PPP6R3: variants seen among roughly 807,000 people sequenced by gnomAD.
The protein encoded by PPP6R3 is protein phosphatase 6 regulatory subunit 3, also known as serine/threonine-protein phosphatase 6 regulatory subunit 3.
A neutral mutation model predicts 110.7 loss-of-function variants in PPP6R3; 38 were observed. The ratio of observed to expected loss-of-function variants is 0.34; its 90% CI spans 0.26 to 0.45. The LOEUF (loss-of-function observed/expected upper bound fraction) is 0.45, where lower values mean the gene tolerates loss of function less well. PPP6R3 is among the 20% of genes least tolerant of loss of function. The pLI, the probability that PPP6R3 is intolerant of heterozygous loss-of-function variation, is 1.00. For synonymous variants in PPP6R3, 369 were observed against 373.5 expected (o/e 0.99, Z 0.14); for missense variants, 870 against 1,062.4 (o/e 0.82, Z 2.52).
chr11:68,557,952 A>C (rs952473850), intron 7 of PPP6R3, among the ~76,000 whole-genome samples: 1 of 152,250 alleles, frequency 6.6e-6, no homozygotes, highest in Non-Finnish European at 1.5e-5. Context: ...AGAGAAGTGT[A>C]ATGGAAAGAG....
chr11:68,557,860 C>T (rs2099405457), intron 7 of PPP6R3, among the ~76,000 whole-genome samples: 1 of 152,136 alleles, frequency 6.6e-6, no homozygotes, highest in Non-Finnish European at 1.5e-5. Flanking sequence ...TACTGAGAGG[C>T]TAAGAAACTA....
chr11:68,600,238 C>T (rs2099627570), intron 19 of PPP6R3, 103 bp from the exon 20 acceptor site: 2 of 1,341,726 alleles, frequency 1.5e-6, no homozygotes, highest in South Asian at 1.2e-5. Context: ...GTGTCTTTCT[C>T]CCACAGCTCC....
intron 19 of PPP6R3, among the ~76,000 whole-genome samples, chr11:68,598,202 T>C (rs1054277708): frequency 2.0e-5 from 3 of 152,228 alleles, no homozygotes; most frequent in African/African-American, 7.2e-5. Context: ...TGTGACTGGC[T>C]TGTTTCCCTT....
At position 68,477,741 on chromosome 11, in the gene PPP6R3, A is replaced by AAAAAAATAT; in HGVS notation, c.-158+16915_-158+16916insAAAAATATA. On this transcript the variant is annotated intron_variant, in intron 1 of 23. Coordinates refer to ENST00000393800, the MANE Select transcript of PPP6R3 (RefSeq NM_001164161.2). ...GACATTGTCTCTTAAAAAAAAAAAA[A>AAAAAAATAT]ATATATATATATATATATATATATA... Among the ~76,000 whole-genome samples, 377 of 57,856 alleles carry AAAAAAATAT rather than the reference A, an allele frequency of 6.5e-3. 4 individuals are homozygous for AAAAAAATAT. Among genetic ancestry groups the AAAAAAATAT allele is most frequent in the Non-Finnish European group, 0.01 (312 of 30,022 alleles). 38.0% of individuals were successfully genotyped at this position (57,856 alleles called of 152,430 possible).
rs918757242 is a variant in PPP6R3 at position 68,591,779 on chromosome 11, G to A, written c.1916+73G>A. Reference sequence around the variant, plus strand: ...AAATGATTATCATGAGACATACATTGTGTCATCACCAAACATACATGTTAA... The same window carrying A: ...AAATGATTATCATGAGACATACATTATGTCATCACCAAACATACATGTTAA... On this transcript the variant is annotated intron_variant, in intron 18 of 23. Transcript: ENST00000393800. 2.0e-6 allele frequency: 3 copies of A among 1,479,154 alleles called. No homozygotes were observed. In the African/African-American group the frequency reaches 4.3e-5, roughly 21 times the overall value. 91.6% of individuals were successfully genotyped at this position (1,479,154 alleles called of 1,614,324 possible). A position where few individuals can be genotyped will look rare whatever the true frequency, so the allele number is the denominator to read the frequency against.
At chr11:68,599,894 C>T (rs997209563) in intron 19 of PPP6R3, among the ~76,000 whole-genome samples, 2 of 152,074 alleles carry the variant, frequency 1.3e-5, no homozygotes, top group African/African-American at 2.4e-5. Flanking sequence ...GAGGCCAAGG[C>T]GGGCGGTTCA....
At chr11:68,566,416 A>C (rs1044687487) in intron 9 of PPP6R3, among the ~76,000 whole-genome samples, 1 of 151,562 alleles carries the variant, frequency 6.6e-6, no homozygotes, top group African/African-American at 2.4e-5. Context: ...CTGGAGTACA[A>C]TGGCACAATC....
At chr11:68,583,789 G>A (rs773587004) in intron 15 of PPP6R3, among the ~76,000 whole-genome samples, 19 of 152,182 alleles carry the variant, frequency 1.2e-4, no homozygotes, top group Non-Finnish European at 2.5e-4. Context: ...CCTTTTGCAG[G>A]CTATCAGCTT....
At chr11:68,484,322 C>T (rs1224690428) in intron 1 of PPP6R3, among the ~76,000 whole-genome samples, 1 of 152,166 alleles carries the variant, frequency 6.6e-6, no homozygotes, top group East Asian at 1.9e-4. Context: ...TTTATATTCG[C>T]ACCAGCAATG....
intron 18 of PPP6R3, 108 bp downstream of exon 18, chr11:68,591,814 C>G: frequency 7.5e-7 from 1 of 1,334,212 alleles, no homozygotes; most frequent in South Asian, 1.6e-5. Context: ...ACCCAGAAAC[C>G]AGTGTTTTTT....
chr11:68,574,413 T>C (rs1289421575), intron 13 of PPP6R3, among the ~76,000 whole-genome samples, 189 bp downstream of exon 13: 1 of 152,128 alleles, frequency 6.6e-6, no homozygotes, highest in Non-Finnish European at 1.5e-5. Context: ...GTATTTATGT[T>C]CATGTAGTTA....
intron 2 of PPP6R3, among the ~76,000 whole-genome samples, chr11:68,527,739 C>G (rs148491495): frequency 0.01 from 1,550 of 152,356 alleles, 10 homozygotes; most frequent in African/African-American, 0.012. Flanking sequence ...TGCACAGTGC[C>G]GTGCATTCAC....
At chr11:68,611,106 G>T (rs1351382231) in intron 23 of PPP6R3, among the ~76,000 whole-genome samples, 1 of 152,180 alleles carries the variant, frequency 6.6e-6, no homozygotes, top group East Asian at 1.9e-4. Context: ...AAGAGGCAGG[G>T]TGGCCCTCTA....
At chr11:68,550,427 A>T (rs2153694820) in intron 5 of PPP6R3, among the ~76,000 whole-genome samples, 1 of 152,196 alleles carries the variant, frequency 6.6e-6, no homozygotes, top group South Asian at 2.1e-4. Flanking sequence ...TGCCTTGTTG[A>T]TGATGGTGTT....
chr11:68,602,055 G>A, intron 21 of PPP6R3, 86 bp downstream of exon 21: 1 of 1,030,664 alleles, frequency 9.7e-7, no homozygotes, highest in South Asian at 1.6e-5. Context: ...AGGGGCTAGT[G>A]GAGCCCGGGA....
chr11:68,589,151 G>A (rs2099588015), intron 16 of PPP6R3, among the ~76,000 whole-genome samples: 1 of 152,088 alleles, frequency 6.6e-6, no homozygotes, highest in Non-Finnish European at 1.5e-5. Flanking sequence ...AGAGGTTGCA[G>A]TGAGCCAGGA....
Position 68,574,182 on chromosome 11 carries a change from G to C in PPP6R3, c.1417G>C (p.Asp473His). Residue 473 changes from aspartate to histidine, a missense_variant, in exon 13 of 24, where the codon GAC (aspartate) becomes CAC (histidine). Transcript: ENST00000393800. The stretch of plus-strand genomic sequence containing the variant: ...AGCTAACTGTATCGTGCACAGCACT[G>C]ACAAGGGCCCCAACAGTGCATTAGT... Reference protein sequence around the residue: ...RIANCIVHSTDKGPNSALVQQ... With the variant: ...RIANCIVHSTHKGPNSALVQQ... The C allele has an allele frequency of 6.2e-7, 1 of 1,614,040 alleles. No individual in the cohort carries two copies. Among genetic ancestry groups the C allele is most frequent in the Non-Finnish European group, 8.5e-7 (1 of 1,179,916 alleles).
At chr11:68,596,054 G>T in intron 18 of PPP6R3, 43 bp from the exon 19 acceptor site, 2 of 1,610,250 alleles carry the variant, frequency 1.2e-6, no homozygotes, top group Non-Finnish European at 1.7e-6. Flanking sequence ...TTAGCTGGTG[G>T]CTGATAAGCA....
chr11:68,543,891 G>A (rs1191040518), intron 3 of PPP6R3, among the ~76,000 whole-genome samples: 3 of 152,206 alleles, frequency 2.0e-5, no homozygotes, highest in African/African-American at 7.2e-5. Context: ...TGTTTGCAGA[G>A]GGTCAGTGGT....
Sources: gnomAD v4.1 joint callset for allele counts (sites outside exome capture counted in the v4.1 genomes callset) on GRCh38, gnomAD v4.1.1 for gene constraint, MANE v1.5 for transcripts, NCBI Gene and HGNC (gene_info 2026-07-23, HGNC 2026-07-21) for gene names.